Variants in SLC9A9 observed in about 807,000 individuals in gnomAD.
SLC9A9 encodes solute carrier family 9 member A9.
A neutral mutation model predicts 77.8 loss-of-function variants in SLC9A9; 62 were observed. That is an observed-to-expected ratio of 0.80 (90% CI 0.65 to 0.98). The LOEUF is 0.98. SLC9A9 is among the 50% of genes least tolerant of loss of function. The pLI is 0.00. For synonymous variants in SLC9A9, 320 were observed against 283.5 expected, an observed-to-expected ratio of 1.13 and a Z score of -1.29; for missense variants, 775 against 774.9, an observed-to-expected ratio of 1.00 and a Z score of 0.00.
chr3:143,372,571 A>T (rs2033081528), intron 13 of SLC9A9, among the ~76,000 whole-genome samples: 1 of 152,332 alleles, frequency 6.6e-6, no homozygotes, highest in Non-Finnish European at 1.5e-5. Context: ...CATAGAATTC[A>T]TGACTAAGAC....
At chr3:143,659,955 A>G (rs977939955) in intron 5 of SLC9A9, among the ~76,000 whole-genome samples, 1 of 152,184 alleles carries the variant, frequency 6.6e-6, no homozygotes, top group African/African-American at 2.4e-5. Flanking sequence ...TCATAAAGGG[A>G]AGTTCCGGTA....
chr3:143,505,115 A>G lies in SLC9A9; in HGVS notation c.1090-9667T>C, dbSNP rs374375459. Among the ~76,000 whole-genome samples, 73 of 152,060 alleles carry G rather than the reference A, an allele frequency of 4.8e-4. 1 individual carries two copies. The highest frequency in any genetic ancestry group is 1.7e-3 in the African/African-American group (69 of 41,494). On this transcript the variant is annotated intron_variant, in intron 9 of 15. Transcript: ENST00000316549. ...TTAAAAGGTAAATTTCTTTGTACCC[A>G]ATTAGTGGAAGCAACAGTGTGTGGC...
At chr3:143,348,093 A>C (rs2032346950) in intron 14 of SLC9A9, among the ~76,000 whole-genome samples, 1 of 151,458 alleles carries the variant, frequency 6.6e-6, no homozygotes. Flanking sequence ...CGCTCACTGC[A>C]ACCTCCACCT....
At chr3:143,316,943 T>C (rs2031235067) in intron 14 of SLC9A9, among the ~76,000 whole-genome samples, 2 of 152,020 alleles carry the variant, frequency 1.3e-5, no homozygotes, top group Admixed American at 6.6e-5. Context: ...ACAGATACTA[T>C]GTGGTGGGTG....
intron 8 of SLC9A9, among the ~76,000 whole-genome samples, chr3:143,573,257 G>A (rs993086771): frequency 3.9e-5 from 6 of 152,066 alleles, no homozygotes; most frequent in African/African-American, 7.2e-5. Flanking sequence ...TACCAGTTAC[G>A]AAGGATTCTT....
chr3:143,662,277 G>T (rs770607635), intron 5 of SLC9A9, among the ~76,000 whole-genome samples: 7 of 152,180 alleles, frequency 4.6e-5, no homozygotes, highest in Non-Finnish European at 7.3e-5. Context: ...AATAATATAC[G>T]AATGAAGAAG....
At chr3:143,333,001 G>A (rs539077730) in intron 14 of SLC9A9, among the ~76,000 whole-genome samples, 11 of 152,276 alleles carry the variant, frequency 7.2e-5, no homozygotes, top group South Asian at 6.2e-4. Flanking sequence ...TAAGGTAATT[G>A]ATGCCAACTA....
At chr3:143,793,338 T>C (rs917718349) in intron 4 of SLC9A9, among the ~76,000 whole-genome samples, 1 of 152,146 alleles carries the variant, frequency 6.6e-6, no homozygotes, top group Non-Finnish European at 1.5e-5. Flanking sequence ...TTCATGATAG[T>C]GAAAGCATAT....
At chr3:143,836,028 C>T (rs916238240) in intron 1 of SLC9A9, among the ~76,000 whole-genome samples, 2 of 152,200 alleles carry the variant, frequency 1.3e-5, no homozygotes, top group African/African-American at 4.8e-5. Flanking sequence ...AGTGTACCTG[C>T]ACTTTAATGA....
At position 143,693,541 on chromosome 3, in the gene SLC9A9, A is replaced by G. The variant is rs145080649; in HGVS notation, c.534-234T>C. ...TTGGTAAAAGGTAATGCAACAGTTT[A>G]TAGTATATTCCAATGAAAACAAGAT... On this transcript the variant is annotated intron_variant, in intron 4 of 15. Coordinates refer to ENST00000316549, the MANE Select transcript of SLC9A9 (RefSeq NM_173653.4). Among the ~76,000 whole-genome samples, 602 of 152,320 alleles carry G rather than the reference A, an allele frequency of 4.0e-3. 5 individuals are homozygous for G. The highest frequency in any genetic ancestry group is 0.014 in the African/African-American group (571 of 41,584).
At chr3:143,619,307 A>G (rs2038158365) in intron 6 of SLC9A9, among the ~76,000 whole-genome samples, 1 of 152,250 alleles carries the variant, frequency 6.6e-6, no homozygotes. Context: ...TAAGCAGAGT[A>G]ATTTTGTTTG....
chr3:143,793,782 C>A (rs969903946), intron 4 of SLC9A9, among the ~76,000 whole-genome samples: 3 of 152,178 alleles, frequency 2.0e-5, no homozygotes, highest in African/African-American at 7.2e-5. Flanking sequence ...ATCTCTCAGG[C>A]CCCTGCAAAG....
intron 4 of SLC9A9, among the ~76,000 whole-genome samples, chr3:143,731,549 T>C (rs1934803600): frequency 6.6e-6 from 1 of 152,240 alleles, no homozygotes; most frequent in Non-Finnish European, 1.5e-5. Flanking sequence ...GTCATACTTC[T>C]GAGCCAGGAA....
chr3:143,470,663 CTTT>C (rs1392691765), intron 11 of SLC9A9, among the ~76,000 whole-genome samples: 1 of 151,968 alleles, frequency 6.6e-6, no homozygotes, highest in Non-Finnish European at 1.5e-5. Context: ...AGTTTTTTAA[CTTT>C]GTGTCTCTGT....
intron 4 of SLC9A9, among the ~76,000 whole-genome samples, chr3:143,779,734 G>A (rs1449734581): frequency 6.6e-6 from 1 of 152,178 alleles, no homozygotes; most frequent in African/African-American, 2.4e-5. Flanking sequence ...CCACATAGTT[G>A]TGAAATGCAA....
intron 14 of SLC9A9, among the ~76,000 whole-genome samples, chr3:143,335,047 C>A (rs947227843): frequency 5.3e-5 from 8 of 151,464 alleles, no homozygotes; most frequent in African/African-American, 1.2e-4. Flanking sequence ...ATATAGAAAA[C>A]CCTAAGGATT....
chr3:143,621,370 G>T (rs1423009845), intron 6 of SLC9A9, among the ~76,000 whole-genome samples: 1 of 152,220 alleles, frequency 6.6e-6, no homozygotes, highest in Non-Finnish European at 1.5e-5. Context: ...CCCCCCAGTA[G>T]GGGCAGACTG....
chr3:143,331,149 G>A (rs1194733696), intron 14 of SLC9A9, among the ~76,000 whole-genome samples: 1 of 151,666 alleles, frequency 6.6e-6, no homozygotes, highest in Non-Finnish European at 1.5e-5. Flanking sequence ...AGACAATCCT[G>A]AGCATTCCCT....
intron 1 of SLC9A9, among the ~76,000 whole-genome samples, chr3:143,839,649 A>T (rs2009659210): frequency 1.3e-5 from 2 of 152,132 alleles, no homozygotes; most frequent in African/African-American, 4.8e-5. Flanking sequence ...CAATGTACAC[A>T]CTTCACAAAA....
Sources: gnomAD v4.1 joint callset for allele counts (sites outside exome capture counted in the v4.1 genomes callset) on GRCh38, gnomAD v4.1.1 for gene constraint, MANE v1.5 for transcripts, NCBI Gene and HGNC (gene_info 2026-07-23, HGNC 2026-07-21) for gene names.